Variants in MAF observed in about 807,000 individuals in gnomAD.
MAF encodes the protein transcription factor Maf.
A neutral mutation model predicts 22.0 loss-of-function variants in MAF; 10 were observed. That is an observed-to-expected ratio of 0.45 (90% CI 0.28 to 0.77). The LOEUF (loss-of-function observed/expected upper bound fraction) is 0.77, where lower values mean the gene tolerates loss of function less well. Ranked by LOEUF, MAF falls within the 30% of genes least tolerant of loss-of-function variation. MAF has a pLI of 0.12. For synonymous variants in MAF, 337 were observed against 255.8 expected (o/e 1.32, Z -3.03); for missense variants, 544 against 548.4 (o/e 0.99, Z 0.08).
At chr16:79,579,419 A>C in the MAF span, among the ~76,000 whole-genome samples, 1 of 152,196 alleles carries the variant, frequency 6.6e-6, no homozygotes, top group Non-Finnish European at 1.5e-5. Flanking sequence ...CATTGCCTCT[A>C]CCATACAAGC....
At chr16:79,526,489 G>C in the MAF span, among the ~76,000 whole-genome samples, 136 of 152,286 alleles carry the variant, frequency 8.9e-4, no homozygotes, top group African/African-American at 3.2e-3. Flanking sequence ...GTTCCTTAAA[G>C]GTCAGTGGCT....
At chr16:79,281,923 T>C in the MAF span, among the ~76,000 whole-genome samples, 4 of 152,138 alleles carry the variant, frequency 2.6e-5, no homozygotes, top group Non-Finnish European at 2.9e-5. Context: ...AGGACCACAA[T>C]GAGGATACTG....
chr16:79,392,144 G>GGGAGAGAGAGTGAAGGAA, the MAF span, among the ~76,000 whole-genome samples: 1 of 149,110 alleles, frequency 6.7e-6, no homozygotes, highest in Admixed American at 6.7e-5. Flanking sequence ...ACTGGGGAGG[G>GGGAGAGAGAGTGAAGGAA]GGAGAGAGAG....
At chr16:79,550,062 C>A in the MAF span, among the ~76,000 whole-genome samples, 1 of 152,120 alleles carries the variant, frequency 6.6e-6, no homozygotes, top group Admixed American at 6.5e-5. Context: ...ATTCCAGCCA[C>A]TCTAGCTTTT....
At chr16:79,225,443 T>TATGGGCAA in the MAF span, among the ~76,000 whole-genome samples, 1 of 152,074 alleles carries the variant, frequency 6.6e-6, no homozygotes, top group African/African-American at 2.4e-5. Flanking sequence ...ATCCAGGTCA[T>TATGGGCAA]AGGTATGGGC....
the MAF span, among the ~76,000 whole-genome samples, chr16:79,328,227 T>C: frequency 6.6e-6 from 1 of 152,162 alleles, no homozygotes; most frequent in Non-Finnish European, 1.5e-5. Context: ...GGGCATTGCC[T>C]GGCCAATATC....
the MAF span, among the ~76,000 whole-genome samples, chr16:79,576,848 G>A: frequency 3.8e-3 from 573 of 152,236 alleles, 3 homozygotes; most frequent in South Asian, 0.014. Flanking sequence ...ATGCCTTTGA[G>A]GGGCTATTCC....
the MAF span, among the ~76,000 whole-genome samples, chr16:79,248,703 T>C: frequency 6.4e-4 from 98 of 152,250 alleles, 1 homozygote; most frequent in South Asian, 0.02. Flanking sequence ...GGATTTTAGC[T>C]CTGGGAACAT....
At chr16:79,406,905 C>A in the MAF span, among the ~76,000 whole-genome samples, 1 of 152,138 alleles carries the variant, frequency 6.6e-6, no homozygotes, top group East Asian at 1.9e-4. Flanking sequence ...ATCCCAGAGC[C>A]AGTAGGGGCT....
chr16:79,532,867 G>A, the MAF span, among the ~76,000 whole-genome samples: 12 of 152,266 alleles, frequency 7.9e-5, no homozygotes, highest in Middle Eastern at 3.4e-3. Flanking sequence ...ATATCCATGC[G>A]GTCAGTGCCA....
the MAF span, among the ~76,000 whole-genome samples, chr16:79,561,334 A>G: frequency 6.8e-6 from 1 of 146,210 alleles, no homozygotes. Context: ...TTTTATATAT[A>G]CTTTAAGTTT....
At chr16:79,242,338 G>C in the MAF span, among the ~76,000 whole-genome samples, 2 of 149,804 alleles carry the variant, frequency 1.3e-5, no homozygotes, top group Non-Finnish European at 3.0e-5. Flanking sequence ...TAAAGGCATG[G>C]AGGAACATTT....
chr16:79,400,790 T>C, the MAF span, among the ~76,000 whole-genome samples: 284 of 152,390 alleles, frequency 1.9e-3, no homozygotes, highest in Non-Finnish European at 2.5e-3. Flanking sequence ...TTGGCCATCA[T>C]GTTTGTGAAA....
At chr16:79,278,026 T>G in the MAF span, among the ~76,000 whole-genome samples, 1 of 152,198 alleles carries the variant, frequency 6.6e-6, no homozygotes, top group Non-Finnish European at 1.5e-5. Flanking sequence ...AAGTGCATTT[T>G]AATTGGTGCC....
chr16:79,584,851 G>T (rs1361553522), downstream of MAF, among the ~76,000 whole-genome samples: 4 of 152,112 alleles, frequency 2.6e-5, no homozygotes, highest in Admixed American at 2.6e-4. Context: ...GACTCTCATG[G>T]TAGCACCGTG....
the MAF span, among the ~76,000 whole-genome samples, chr16:79,254,144 G>C: frequency 6.6e-5 from 10 of 151,854 alleles, no homozygotes; most frequent in Non-Finnish European, 1.2e-4. Context: ...AAAGTGTGTA[G>C]AAGCTGAATA....
the MAF span, among the ~76,000 whole-genome samples, chr16:79,477,426 C>T: frequency 2.0e-5 from 3 of 152,184 alleles, no homozygotes; most frequent in Admixed American, 6.5e-5. Context: ...ACGAGCCTGG[C>T]TGTCTTGCGT....
the MAF span, among the ~76,000 whole-genome samples, chr16:79,210,921 C>T: frequency 8.5e-5 from 13 of 152,258 alleles, no homozygotes; most frequent in South Asian, 2.1e-4. Flanking sequence ...ACCCCCTTAC[C>T]TGTGGTCCCA....
chr16:79,490,300 G>A, the MAF span, among the ~76,000 whole-genome samples: 6 of 152,204 alleles, frequency 3.9e-5, no homozygotes, highest in South Asian at 4.2e-4. Context: ...CCTTTCAAAC[G>A]AGGCAGGAAT....
Sources: gnomAD v4.1 joint callset for allele counts (sites outside exome capture counted in the v4.1 genomes callset) on GRCh38, gnomAD v4.1.1 for gene constraint, MANE v1.5 for transcripts, NCBI Gene and HGNC (gene_info 2026-07-23, HGNC 2026-07-21) for gene names.